The following MYT1L variants were observed in gnomAD, a reference collection of about 807,000 sequenced individuals.
MYT1L encodes the protein myelin transcription factor 1-like protein.
Under a neutral mutation model 126.7 loss-of-function variants are expected in MYT1L, and 12 were observed. That is an observed-to-expected ratio of 0.09 (90% confidence interval 0.06 to 0.15). The LOEUF (loss-of-function observed/expected upper bound fraction) is 0.15, where lower values mean the gene tolerates loss of function less well. MYT1L is among the 10% of genes least tolerant of loss of function. The pLI is 1.00. For missense variants in MYT1L, 979 were observed against 1,585.2 expected (o/e 0.62, Z 6.49); for synonymous variants, 541 against 604.2 (o/e 0.90, Z 1.53).
At chr2:1,916,887 T>C (rs531317323) in intron 11 of MYT1L, among the ~76,000 whole-genome samples, 1 of 152,342 alleles carries the variant, frequency 6.6e-6, no homozygotes, top group South Asian at 2.1e-4. Context: ...AATTCAATTC[T>C]GTAATTACGA....
chr2:2,148,542 G>A (rs1273322150), intron 3 of MYT1L, among the ~76,000 whole-genome samples: 1 of 152,210 alleles, frequency 6.6e-6, no homozygotes, highest in Non-Finnish European at 1.5e-5. Flanking sequence ...ATAAAGGAAA[G>A]AGATGAGTAT....
chr2:2,322,558 G>T (rs1025259954), intron 1 of MYT1L, among the ~76,000 whole-genome samples: 1 of 151,530 alleles, frequency 6.6e-6, no homozygotes, highest in Non-Finnish European at 1.5e-5. Context: ...GCGGGGCTCC[G>T]TGAAGTGGAG....
At chr2:1,810,423 A>G (rs2036420037) in intron 21 of MYT1L, among the ~76,000 whole-genome samples, 1 of 152,162 alleles carries the variant, frequency 6.6e-6, no homozygotes, top group Non-Finnish European at 1.5e-5. Flanking sequence ...TACAGGCATG[A>G]GCCACCGCAC....
intron 2 of MYT1L, among the ~76,000 whole-genome samples, chr2:2,275,202 A>ATATGTG (rs71402144): frequency 1.2e-3 from 162 of 139,550 alleles, no homozygotes; most frequent in African/African-American, 4.0e-3. Flanking sequence ...TAATAATAAA[A>ATATGTG]TGTGTGTGTG....
intron 21 of MYT1L, among the ~76,000 whole-genome samples, chr2:1,838,637 C>A (rs2041223946): frequency 6.6e-6 from 1 of 152,012 alleles, no homozygotes; most frequent in Non-Finnish European, 1.5e-5. Flanking sequence ...ACAGAACGGG[C>A]CTCTCCTAAG....
intron 1 of MYT1L, among the ~76,000 whole-genome samples, chr2:2,290,482 T>G (rs2149457184): frequency 6.6e-6 from 1 of 152,282 alleles, no homozygotes; most frequent in East Asian, 1.9e-4. Flanking sequence ...GACTTACATT[T>G]TAAGGAAATA....
intron 2 of MYT1L, among the ~76,000 whole-genome samples, chr2:2,206,619 TAA>T (rs970709894): frequency 8.5e-5 from 13 of 152,206 alleles, no homozygotes; most frequent in African/African-American, 3.1e-4. Context: ...TGGAAATGCA[TAA>T]GAGAAAAGAG....
intron 3 of MYT1L, among the ~76,000 whole-genome samples, chr2:2,172,605 G>A (rs1479269583): frequency 6.6e-6 from 1 of 152,204 alleles, no homozygotes; most frequent in African/African-American, 2.4e-5. Context: ...AGCAATCCTG[G>A]GAGCCCCGTG....
chr2:2,293,965 C>T (rs535530885), intron 1 of MYT1L, among the ~76,000 whole-genome samples: 53 of 152,168 alleles, frequency 3.5e-4, no homozygotes, highest in African/African-American at 1.1e-3. Flanking sequence ...GCCACCAGCA[C>T]GGGGGGCAGG....
At chr2:2,267,802 C>T (rs940896942) in intron 2 of MYT1L, among the ~76,000 whole-genome samples, 5 of 151,928 alleles carry the variant, frequency 3.3e-5, no homozygotes, top group African/African-American at 7.3e-5. Flanking sequence ...ATGTGAAATT[C>T]GGCTGTGAAG....
At chr2:2,041,893 G>A (rs533800602) in intron 4 of MYT1L, among the ~76,000 whole-genome samples, 1 of 152,278 alleles carries the variant, frequency 6.6e-6, no homozygotes, top group African/African-American at 2.4e-5. Flanking sequence ...CTTCCAGTGA[G>A]ATTGTACTAC....
At position 1,875,687 on chromosome 2, in the gene MYT1L, G is replaced by A. The variant is rs530049512; in HGVS notation, c.2711+10852C>T. On this transcript the variant is annotated intron_variant, in intron 18 of 24. Transcript: ENST00000647738. ...GGTGGATGTCCGGGGATCGATGAGC[G>A]GAAGCAGATCGTGTTTGATAATCAG... Among the ~76,000 whole-genome samples the A allele has an allele frequency of 1.8e-4, 27 of 152,326 alleles. No homozygotes were observed. In the South Asian group the frequency reaches 5.0e-3, roughly 28 times the overall value.
intron 3 of MYT1L, among the ~76,000 whole-genome samples, chr2:2,054,331 G>A (rs1259530010): frequency 6.6e-6 from 1 of 152,044 alleles, no homozygotes; most frequent in East Asian, 1.9e-4. Flanking sequence ...GAGACACATG[G>A]AGATGATGAG....
intron 2 of MYT1L, among the ~76,000 whole-genome samples, chr2:2,250,064 C>A (rs943418435): frequency 6.6e-6 from 1 of 152,080 alleles, no homozygotes; most frequent in African/African-American, 2.4e-5. Flanking sequence ...CCCTTATATA[C>A]TCTTAGTGGA....
At chr2:1,902,962 T>C in intron 14 of MYT1L, 118 bp downstream of exon 14, 1 of 933,474 alleles carries the variant, frequency 1.1e-6, no homozygotes, top group East Asian at 2.5e-5. Flanking sequence ...AGTCCTGTTC[T>C]TTTGGTACCC....
At chr2:1,868,705 G>T (rs1465766300) in intron 18 of MYT1L, among the ~76,000 whole-genome samples, 1 of 152,222 alleles carries the variant, frequency 6.6e-6, no homozygotes, top group Non-Finnish European at 1.5e-5. Flanking sequence ...CTGCCCTGGG[G>T]CTGAGAGGCA....
chr2:1,883,117 A>G (rs779794862), intron 18 of MYT1L, among the ~76,000 whole-genome samples: 1 of 152,214 alleles, frequency 6.6e-6, no homozygotes, highest in South Asian at 2.1e-4. Flanking sequence ...AAGTGTCCCA[A>G]GGTTCTTTTT....
chr2:2,330,277 A>AT (rs1217244351), intron 1 of MYT1L, among the ~76,000 whole-genome samples: 1 of 152,130 alleles, frequency 6.6e-6, no homozygotes, highest in Non-Finnish European at 1.5e-5. Context: ...AGAAATTGTC[A>AT]TGGTTAATAC....
intron 21 of MYT1L, among the ~76,000 whole-genome samples, chr2:1,818,034 G>A (rs1487370266): frequency 6.6e-6 from 1 of 151,712 alleles, no homozygotes; most frequent in African/African-American, 2.4e-5. Context: ...TCCAGATGAA[G>A]GTTCCAGCGA....
Sources: allele counts gnomAD v4.1 joint callset (sites outside exome capture counted in the v4.1 genomes callset), GRCh38; gene constraint gnomAD v4.1.1; transcripts MANE v1.5; gene names NCBI Gene and HGNC (gene_info 2026-07-23, HGNC 2026-07-21).